The following SLC15A4 variants were observed in gnomAD, a reference collection of about 807,000 sequenced individuals.
The protein encoded by SLC15A4 is hPHT1.
In SLC15A4, 26 loss-of-function variants were observed where a neutral mutation model predicts 46.1. The ratio of observed to expected loss-of-function variants is 0.56; its 90% CI spans 0.41 to 0.78. The LOEUF is 0.78. Among genes scored for constraint, SLC15A4 ranks in the 30% least tolerant of loss-of-function variants. The probability of loss-of-function intolerance (pLI) is 0.00; values close to 1 mark genes in which losing one functional copy is unlikely to be tolerated. For synonymous variants in SLC15A4, 370 were observed against 333.4 expected, an observed-to-expected ratio of 1.11 and a Z score of -1.20; for missense variants, 751 against 755.7, an observed-to-expected ratio of 0.99 and a Z score of 0.07.
chr12:128,794,845 G>T (rs1955427135), intron 7 of SLC15A4, among the ~76,000 whole-genome samples: 1 of 152,206 alleles, frequency 6.6e-6, no homozygotes, highest in South Asian at 2.1e-4. Flanking sequence ...CACCAGAACA[G>T]CTGGGCAAAG....
chr12:128,809,244 T>C, intron 4 of SLC15A4, 152 bp downstream of exon 4: 1 of 603,110 alleles, frequency 1.7e-6, no homozygotes, highest in Non-Finnish European at 2.8e-6. Flanking sequence ...AATGAAAAAA[T>C]ATTCTCTAAA....
At chr12:128,823,327 G>A (rs1002454608) in intron 1 of SLC15A4, 71 bp downstream of exon 1, 13 of 1,298,168 alleles carry the variant, frequency 1.0e-5, no homozygotes, top group African/African-American at 1.6e-5. Flanking sequence ...CAGGGACTGG[G>A]GCAGGGGAAG....
chr12:128,821,961 C>T (rs1159397010), intron 1 of SLC15A4, among the ~76,000 whole-genome samples: 1 of 151,980 alleles, frequency 6.6e-6, no homozygotes, highest in African/African-American at 2.4e-5. Flanking sequence ...AAATAAGAAG[C>T]AGACCTGACC....
rs1423809347 is a variant in SLC15A4, at chr12:128,823,900, AGCAGCGGCGCCCGCTCGCCC to A, written c.24_43del (p.Glu10ArgfsTer168). Reference sequence around the variant, plus strand: ...GGCCGCCGCCGCCCGCCGCGCGCCCAGCAGCGGCGCCCGCTCGCCCGCACCGCCCCCAGAGCCCTCCATGC... The same window carrying A: ...GGCCGCCGCCGCCCGCCGCGCGCCCAGCACCGCCCCCAGAGCCCTCCATGC... On this transcript the variant is annotated frameshift_variant, in exon 1 of 8. Coordinates refer to ENST00000266771, the MANE Select transcript of SLC15A4 (RefSeq NM_145648.4). LOFTEE classifies it high-confidence loss of function. The A allele has an allele frequency of 1.1e-6, 1 of 891,492 alleles. No individual in the cohort carries two copies. Among genetic ancestry groups the A allele is most frequent in the Non-Finnish European group, 1.3e-6 (1 of 746,916 alleles). The allele number at this position is 891,492 out of a possible 1,614,324, so 55.2% of individuals were successfully genotyped here. A position where few individuals can be genotyped will look rare whatever the true frequency, so the allele number is the denominator to read the frequency against.
At chr12:128,815,160 T>A in intron 1 of SLC15A4, 90 bp from the exon 2 acceptor site, 2 of 1,244,188 alleles carry the variant, frequency 1.6e-6, no homozygotes, top group Non-Finnish European at 2.3e-6. Flanking sequence ...AAATTACCGT[T>A]GTCATCACAA....
rs747592819 is a variant in SLC15A4, at chr12:128,810,087, T to C, written c.867A>G (p.Gln289=). 90 of 1,613,698 alleles carry C rather than the reference T, an allele frequency of 5.6e-5. No individual in the cohort carries two copies. Among genetic ancestry groups the C allele is most frequent in the Non-Finnish European group, 7.1e-5 (84 of 1,179,944 alleles). Residue 289 remains glutamine (Q), a synonymous_variant, in exon 3 of 8, where the codon CAA becomes CAG. Transcript: ENST00000266771. Reference sequence around the variant, plus strand: ...AATCAAACAGACTTTGTTTAGAAGATTGCTGAAAGACTCCAATGCCTTCAC... The same window carrying C: ...AATCAAACAGACTTTGTTTAGAAGACTGCTGAAAGACTCCAATGCCTTCAC... ...SNGEGIGVFQ[Q]SSKQSLFDSC...
intron 5 of SLC15A4, among the ~76,000 whole-genome samples, chr12:128,806,768 C>T (rs1276225012): frequency 1.3e-5 from 2 of 152,144 alleles, no homozygotes; most frequent in Non-Finnish European, 2.9e-5. Flanking sequence ...TCTGGAGCTG[C>T]TGCTGTCACA....
At chr12:128,798,536 T>C (rs1160283187) in intron 7 of SLC15A4, among the ~76,000 whole-genome samples, 1 of 152,206 alleles carries the variant, frequency 6.6e-6, no homozygotes, top group Non-Finnish European at 1.5e-5. Context: ...AACCTAAAAG[T>C]GGCTAAGTAC....
At chr12:128,810,171 T>C in intron 2 of SLC15A4, 60 bp from the exon 3 acceptor site, 1 of 1,561,956 alleles carries the variant, frequency 6.4e-7, no homozygotes, top group Non-Finnish European at 8.7e-7. Context: ...AATTATTTGG[T>C]CACAAATTAA....
intron 7 of SLC15A4, among the ~76,000 whole-genome samples, chr12:128,795,561 C>T (rs1463238757): frequency 6.6e-6 from 1 of 152,194 alleles, no homozygotes; most frequent in Non-Finnish European, 1.5e-5. Context: ...AAGAGGGAGT[C>T]TGGACGCGGT....
chr12:128,822,518 T>C (rs1161139985), intron 1 of SLC15A4, among the ~76,000 whole-genome samples: 1 of 152,174 alleles, frequency 6.6e-6, no homozygotes, highest in East Asian at 1.9e-4. Context: ...GGCCTGAACA[T>C]AGAAGGGTCC....
intron 5 of SLC15A4, among the ~76,000 whole-genome samples, chr12:128,803,707 GAAAA>G (rs796734954): frequency 6.7e-6 from 1 of 148,376 alleles, no homozygotes; most frequent in African/African-American, 2.5e-5. Flanking sequence ...ACAGGTAGAC[GAAAA>G]AAAAAATACA....
intron 1 of SLC15A4, 54 bp from the exon 2 acceptor site, chr12:128,815,124 G>A: frequency 2.0e-6 from 3 of 1,531,866 alleles, no homozygotes; most frequent in South Asian, 1.2e-5. Context: ...CTTCAAGGAT[G>A]AAAACCATAT....
At chr12:128,810,226 C>T (rs1209145600) in intron 2 of SLC15A4, 115 bp from the exon 3 acceptor site, 2 of 930,192 alleles carry the variant, frequency 2.2e-6, no homozygotes, top group Admixed American at 2.3e-5. Flanking sequence ...TCTGCTTCAA[C>T]TCATTCCATC....
At chr12:128,799,647 T>C (rs554305252) in intron 6 of SLC15A4, among the ~76,000 whole-genome samples, 1 of 152,298 alleles carries the variant, frequency 6.6e-6, no homozygotes, top group South Asian at 2.1e-4. Context: ...CCTAATAAAT[T>C]CAATGAGCAG....
At chr12:128,819,086 G>C (rs1400892464) in intron 1 of SLC15A4, among the ~76,000 whole-genome samples, 1 of 151,942 alleles carries the variant, frequency 6.6e-6, no homozygotes, top group East Asian at 1.9e-4. Context: ...CCTTCACTTG[G>C]AGCCTCAGCA....
In SLC15A4 at chr12:128,800,966, G is replaced by C. The variant is rs760745099; in HGVS notation, c.1302C>G (p.Thr434=). Residue 434 remains threonine, a synonymous_variant, in exon 6 of 8, where the codon ACC becomes ACG. Coordinates refer to ENST00000266771, the MANE Select transcript of SLC15A4 (RefSeq NM_145648.4). ...CGACGTTGCCGATGGTCTGATTAAT[G>C]GTTTTCTCTTTAACAAGGTTCAGCC... ...SKRLNLVKEK[T]INQTIGNVVY... 7.4e-6 allele frequency: 12 copies of C among 1,613,680 alleles called. No homozygotes were observed. The highest frequency in any genetic ancestry group is 1.0e-5 in the Non-Finnish European group (12 of 1,179,918).
Position 128,794,461 on chromosome 12 carries a change from T to C in SLC15A4, c.1574-105A>G, listed in dbSNP as rs895828725. The C allele has an allele frequency of 5.4e-6, 6 of 1,108,754 alleles. No individual in the cohort carries two copies. The African/African-American group carries it at 9.6e-5, about 18-fold the overall frequency. The allele number at this position is 1,108,754 out of a possible 1,614,324, so 68.7% of individuals were successfully genotyped here. A position where few individuals can be genotyped will look rare whatever the true frequency, so the allele number is the denominator to read the frequency against. On this transcript the variant is annotated intron_variant, in intron 7 of 7. Coordinates refer to ENST00000266771, the MANE Select transcript of SLC15A4 (RefSeq NM_145648.4). ...TCCCACTAAGGTTTAACTGGAGTCA[T>C]AAAAAAAGTAACAAATGTTGTCTCT...
chr12:128,803,442 C>A (rs1320909353), intron 5 of SLC15A4, among the ~76,000 whole-genome samples: 1 of 149,810 alleles, frequency 6.7e-6, no homozygotes, highest in Admixed American at 6.6e-5. Flanking sequence ...TCACAGTAAG[C>A]TGGGGGGAGA....
Sources: allele counts gnomAD v4.1 joint callset (sites outside exome capture counted in the v4.1 genomes callset), GRCh38; gene constraint gnomAD v4.1.1; transcripts MANE v1.5; gene names NCBI Gene and HGNC (gene_info 2026-07-23, HGNC 2026-07-21).